CD33: variants seen among roughly 807,000 people sequenced by gnomAD.
CD33 encodes CD33 molecule.
CD33 carries 25 observed loss-of-function variants against 31.4 expected under a neutral mutation model. That is an observed-to-expected ratio of 0.80 (90% CI 0.58 to 1.11). CD33 has a LOEUF of 1.11. Ranked by LOEUF, CD33 falls within the 50% of genes most tolerant of loss-of-function variation. CD33 has a pLI of 0.00. For synonymous variants in CD33, 176 were observed against 180.6 expected (o/e 0.97, Z 0.20); for missense variants, 407 against 448.1 (o/e 0.91, Z 0.83).
At chr19:51,220,738 A>G (rs1980649934), upstream of CD33, among the ~76,000 whole-genome samples, 1 of 152,156 alleles carries the variant, frequency 6.6e-6, no homozygotes, top group African/African-American at 2.4e-5. Flanking sequence ...CCGCTGTGTG[A>G]TCTTCTGCCC....
chr19:51,222,329 A>C (rs1420371254), upstream of CD33, among the ~76,000 whole-genome samples: 1 of 152,212 alleles, frequency 6.6e-6, no homozygotes, highest in African/African-American at 2.4e-5. Flanking sequence ...TTTGGACAAC[A>C]GTTTGGCAAT....
chr19:51,226,270 C>A, intron 3 of CD33, 39 bp from the exon 4 acceptor site: 1 of 1,597,892 alleles, frequency 6.3e-7, no homozygotes, highest in Non-Finnish European at 8.6e-7. Context: ...TATCTCATCT[C>A]TACCCCCAAC....
the CD33 span, among the ~76,000 whole-genome samples, chr19:51,216,005 G>A: frequency 3.3e-5 from 5 of 152,196 alleles, no homozygotes; most frequent in Non-Finnish European, 7.4e-5. Flanking sequence ...GAACACCACC[G>A]TCTGGACTGA....
rs1980915491 is a variant in CD33 at position 51,225,333 on chromosome 19, C to G, written c.153C>G (p.Asp51Glu). 6.2e-7 allele frequency: 1 copy of G among 1,614,208 alleles called. No individual in the cohort carries two copies. Among genetic ancestry groups the G allele is most frequent in the African/African-American group, 1.3e-5 (1 of 75,052 alleles). The change falls in exon 2 of 7, where the codon GAC becomes GAG. Residue 51 changes from aspartate (D) to glutamate (E), a missense_variant. Physicochemically the swap from Asp to Glu is conservative, Grantham distance 45. Transcript: ENST00000262262. ...TCTTCCATCCCATACCCTACTACGA[C>G]AAGAACTCCCCAGTTCATGGTTACT... ...CTFFHPIPYY[D>E]KNSPVHGYWF... is the part of the protein sequence containing the mutation.
chr19:51,226,096 A>C lies in CD33; in HGVS notation c.697+15A>C. On this transcript the variant is annotated intron_variant, in intron 3 of 6. Coordinates refer to ENST00000262262, the MANE Select transcript of CD33 (RefSeq NM_001772.4). ...CAACGTCACCTGTAAGTGCTGGGCC[A>C]GGATGCTGGGGTCCCTGAGGGTGTA... 2 of 1,612,488 alleles carry C rather than the reference A, an allele frequency of 1.2e-6. No homozygotes were observed. Among genetic ancestry groups the C allele is most frequent in the Non-Finnish European group, 1.7e-6 (2 of 1,178,850 alleles).
chr19:51,235,789 C>T (rs1404983297), intron 6 of CD33, 113 bp downstream of exon 6: 2 of 893,186 alleles, frequency 2.2e-6, no homozygotes, highest in African/African-American at 1.7e-5. Context: ...TGTCTTTCCT[C>T]CTGTTTAACA....
In CD33 at chr19:51,239,660, C is replaced by A; in HGVS notation, c.1067C>A (p.Thr356Asn). The A allele has an allele frequency of 6.2e-7, 1 of 1,613,034 alleles. No homozygotes were observed. The highest frequency in any genetic ancestry group is 1.7e-5 in the Admixed American group (1 of 59,918). Residue 356 changes from threonine to asparagine, a missense_variant, in exon 7 of 7, where the codon ACC becomes AAC. Physicochemically the swap from Thr to Asn is moderately conservative, Grantham distance 65 (BLOSUM62 0). Coordinates refer to ENST00000262262, the MANE Select transcript of CD33 (RefSeq NM_001772.4). ...HGMNPSKDTS[T>N]EYSEVRTQ ...ATGAATCCTTCCAAGGACACCTCCA[C>A]CGAATACTCAGAGGTCAGGACCCAG...
At chr19:51,231,456 A>C (rs1981405075) in intron 4 of CD33, among the ~76,000 whole-genome samples, 1 of 152,248 alleles carries the variant, frequency 6.6e-6, no homozygotes, top group South Asian at 2.1e-4. Flanking sequence ...CAGGCAGTCC[A>C]TATATTTTAA....
intron 4 of CD33, among the ~76,000 whole-genome samples, chr19:51,230,511 T>C (rs764247408): frequency 6.6e-6 from 1 of 152,242 alleles, no homozygotes; most frequent in Non-Finnish European, 1.5e-5. Flanking sequence ...TTATATCTAA[T>C]AATATTTGCT....
At chr19:51,214,637 A>G in the CD33 span, among the ~76,000 whole-genome samples, 1 of 152,130 alleles carries the variant, frequency 6.6e-6, no homozygotes, top group Non-Finnish European at 1.5e-5. Context: ...TTTTGGTAAA[A>G]GTTTTATTTA....
chr19:51,237,140 G>C (rs1358985419), intron 6 of CD33: 1 of 151,986 alleles, frequency 6.6e-6, no homozygotes, highest in Non-Finnish European at 1.5e-5. Context: ...CCCAACTCCA[G>C]TGCATCCTTC....
intron 4 of CD33, among the ~76,000 whole-genome samples, chr19:51,234,714 C>T (rs989592668): frequency 9.2e-5 from 14 of 152,196 alleles, no homozygotes; most frequent in African/African-American, 3.4e-4. Flanking sequence ...CTCCCTGCCC[C>T]ACCCTGCTTC....
At chr19:51,226,394 A>C (rs749130514) in intron 4 of CD33, 38 bp downstream of exon 4, 1 of 1,576,536 alleles carries the variant, frequency 6.3e-7, no homozygotes, top group South Asian at 1.1e-5. Context: ...TGTTACTGAC[A>C]TTGAGTCTGT....
intron 6 of CD33, chr19:51,237,786 A>G (rs979425392): frequency 6.6e-6 from 1 of 152,230 alleles, no homozygotes; most frequent in African/African-American, 2.4e-5. Context: ...ACTGACACTC[A>G]TTTTAGTGGG....
At chr19:51,232,310 G>A (rs1981481480) in intron 4 of CD33, among the ~76,000 whole-genome samples, 2 of 152,156 alleles carry the variant, frequency 1.3e-5, no homozygotes, top group African/African-American at 2.4e-5. Flanking sequence ...TATGTGACTA[G>A]ATACTTTTAC....
intron 4 of CD33, among the ~76,000 whole-genome samples, chr19:51,230,481 A>G (rs138530370): frequency 9.8e-5 from 15 of 152,318 alleles, no homozygotes; most frequent in African/African-American, 3.6e-4. Flanking sequence ...CTATTATTGT[A>G]TTGGAGTCTA....
At position 51,225,467 on chromosome 19, in the gene CD33, C is replaced by G; in HGVS notation, c.287C>G (p.Pro96Arg). The G allele has an allele frequency of 1.2e-6, 2 of 1,613,834 alleles. No homozygotes were observed. Among genetic ancestry groups the G allele is most frequent in the Non-Finnish European group, 1.7e-6 (2 of 1,179,840 alleles). Residue 96 changes from proline (P) to arginine (R), a missense_variant, in exon 2 of 7, where the codon CCC (proline) becomes CGC (arginine). By Grantham distance (103) the Pro-to-Arg change is moderately radical (BLOSUM62 -2). Coordinates refer to ENST00000262262, the MANE Select transcript of CD33 (RefSeq NM_001772.4). ...GGCAGATTCCGCCTCCTTGGGGATC[C>G]CAGTAGGAACAACTGCTCCCTGAGC... Reference protein sequence around the residue: ...TQGRFRLLGDPSRNNCSLSIV... With the variant: ...TQGRFRLLGDRSRNNCSLSIV...
intron 4 of CD33, among the ~76,000 whole-genome samples, chr19:51,231,040 C>A (rs1248838047): frequency 6.6e-6 from 1 of 152,194 alleles, no homozygotes; most frequent in African/African-American, 2.4e-5. Flanking sequence ...GACTTGCTGG[C>A]CCCTTGCTCC....
the CD33 span, among the ~76,000 whole-genome samples, chr19:51,215,010 C>T: frequency 6.6e-6 from 1 of 152,128 alleles, no homozygotes; most frequent in East Asian, 1.9e-4. Flanking sequence ...GTGAATCAAC[C>T]TCATCCCACT....
Sources: gnomAD v4.1 joint callset for allele counts (sites outside exome capture counted in the v4.1 genomes callset) on GRCh38, gnomAD v4.1.1 for gene constraint, MANE v1.5 for transcripts, NCBI Gene and HGNC (gene_info 2026-07-23, HGNC 2026-07-21) for gene names.